Variants in AGPAT4 observed in about 807,000 individuals in gnomAD.
AGPAT4 encodes the protein 1-acyl-sn-glycerol-3-phosphate acyltransferase delta.
AGPAT4 carries 15 observed loss-of-function variants against 48.0 expected under a neutral mutation model. The observed-to-expected ratio is 0.31, with a 90% CI of 0.21 to 0.48. The LOEUF (loss-of-function observed/expected upper bound fraction) is 0.48, where lower values mean the gene tolerates loss of function less well. AGPAT4 is among the 20% of genes least tolerant of loss of function. AGPAT4 has a pLI of 0.99. For synonymous variants in AGPAT4, 178 were observed against 198.7 expected (o/e 0.90, Z 0.88); for missense variants, 314 against 482.5 (o/e 0.65, Z 3.27).
chr6:161,167,955 T>C (rs1175381543), intron 2 of AGPAT4, among the ~76,000 whole-genome samples: 1 of 152,164 alleles, frequency 6.6e-6, no homozygotes, highest in African/African-American at 2.4e-5. Flanking sequence ...CCACTCCCCT[T>C]CCTTCTCCAG....
In AGPAT4 at chr6:161,184,187, G is replaced by A. The variant is rs552228020; in HGVS notation, c.179-17770C>T. Among the ~76,000 whole-genome samples the A allele has an allele frequency of 3.3e-4, 50 of 152,142 alleles. 1 individual carries two copies. Among genetic ancestry groups the A allele is most frequent in the Admixed American group, 3.9e-4 (6 of 15,292 alleles). On this transcript the variant is annotated intron_variant, in intron 2 of 8. Transcript: ENST00000320285. The surrounding 1 kb of genome is among the most constrained non-coding windows in gnomAD (Gnocchi z 4.8). ...GCAGCAGGTTACGGGTGGAAGGCAG[G>A]TGTTGAAGCAGGCTACTGCAGTCAG...
rs894183688 is a variant in AGPAT4, at chr6:161,195,875, G to A, written c.179-29458C>T. On this transcript the variant is annotated intron_variant, in intron 2 of 8. Coordinates refer to ENST00000320285, the MANE Select transcript of AGPAT4 (RefSeq NM_020133.3). This position sits in a 1 kb window ranked among gnomAD's most constrained non-coding sequence, Gnocchi z 5.0. ...CTGATTGTCTAGCGTTGGCATTAGGGCAAGTCTTGAATGTGAATGTTCTCA... is the reference window on the plus strand; with the variant it reads ...CTGATTGTCTAGCGTTGGCATTAGGACAAGTCTTGAATGTGAATGTTCTCA... Among the ~76,000 whole-genome samples, 1 of 152,154 alleles carries A rather than the reference G, an allele frequency of 6.6e-6. No homozygotes were observed. The highest frequency in any genetic ancestry group is 1.5e-5 in the Non-Finnish European group (1 of 68,030).
chr6:161,188,081 A>G (rs190681603), intron 2 of AGPAT4, among the ~76,000 whole-genome samples: 26 of 152,356 alleles, frequency 1.7e-4, no homozygotes, highest in Admixed American at 1.7e-3. Context: ...ATGTACAAAT[A>G]TATAATAAAA....
rs918778414 is a variant in AGPAT4, at chr6:161,217,601, T to C, written c.178+14435A>G. ...TCAGCTCTAGTTGGAGACATAGGTA[T>C]ATATAATCTGTTCCTTTCCATTTAA... On this transcript the variant is annotated intron_variant, in intron 2 of 8. Transcript: ENST00000320285. The surrounding 1 kb of genome is among the most constrained non-coding windows in gnomAD (Gnocchi z 4.9). 5.9e-5 allele frequency among the ~76,000 whole-genome samples: 9 copies of C among 152,374 alleles called. No individual in the cohort carries two copies. Among genetic ancestry groups the C allele is most frequent in the African/African-American group, 2.2e-4 (9 of 41,598 alleles).
rs1166472496 is a variant in AGPAT4, at chr6:161,160,151, G to A, written c.349-5841C>T. The stretch of plus-strand genomic sequence containing the variant: ...TTTTTTTTGTATTTTTAGTACAGAC[G>A]AGGTTTCAACATGTTGGCCAGGTTG... On this transcript the variant is annotated intron_variant, in intron 3 of 8. Coordinates refer to ENST00000320285, the MANE Select transcript of AGPAT4 (RefSeq NM_020133.3). 20 of 124,146 alleles carry A rather than the reference G, an allele frequency of 1.6e-4. No homozygotes were observed. In the Admixed American group the frequency reaches 2.0e-3, roughly 13 times the overall value. The allele number at this position is 124,146 out of a possible 1,614,324, so 7.7% of individuals were successfully genotyped here. A position where few individuals can be genotyped will look rare whatever the true frequency, so the allele number is the denominator to read the frequency against.
chr6:161,130,967 A>G lies in AGPAT4; in HGVS notation c.*5573T>C, dbSNP rs1778883372. 5 of 501,200 alleles carry G rather than the reference A, an allele frequency of 1.0e-5. No individual in the cohort carries two copies. The highest frequency in any genetic ancestry group is 5.8e-5 in the South Asian group (4 of 69,488). 31.0% of individuals were successfully genotyped at this position (501,200 alleles called of 1,614,324 possible). A position where few individuals can be genotyped will look rare whatever the true frequency, so the allele number is the denominator to read the frequency against. On this transcript the variant is annotated 3_prime_UTR_variant, in exon 9 of 9. Coordinates refer to ENST00000320285, the MANE Select transcript of AGPAT4 (RefSeq NM_020133.3). ...CAAAGATCTGGCTAAAACTAGTACT[A>G]TGGAATAGAAAAGGAAAAGTGACAT...
rs1307099349 is a variant in AGPAT4 at position 161,233,254 on chromosome 6, T to C, written c.-89-952A>G. Among the ~76,000 whole-genome samples, 1 of 152,028 alleles carries C rather than the reference T, an allele frequency of 6.6e-6. No individual in the cohort carries two copies. The highest frequency in any genetic ancestry group is 1.5e-5 in the Non-Finnish European group (1 of 68,010). On this transcript the variant is annotated intron_variant, in intron 1 of 8. Transcript: ENST00000320285. The surrounding 1 kb of genome is among the most constrained non-coding windows in gnomAD (Gnocchi z 5.4). ...TCCAGCTCAAAACAGAATAATGAAA[T>C]GACTTTACAGTTTGGGAAATAAAAG... is the stretch of plus-strand genomic sequence containing the variant.
Position 161,219,920 on chromosome 6 carries a change from A to AGGC in AGPAT4, c.178+12113_178+12115dup, listed in dbSNP as rs1361136847. Among the ~76,000 whole-genome samples, 88 of 122,498 alleles carry AGGC rather than the reference A, an allele frequency of 7.2e-4. No individual in the cohort carries two copies. The highest frequency in any genetic ancestry group is 2.5e-3 in the South Asian group (10 of 3,998). 80.4% of individuals were successfully genotyped at this position (122,498 alleles called of 152,430 possible). On this transcript the variant is annotated intron_variant, in intron 2 of 8. Coordinates refer to ENST00000320285, the MANE Select transcript of AGPAT4 (RefSeq NM_020133.3). The surrounding 1 kb of genome is among the most constrained non-coding windows in gnomAD (Gnocchi z 4.9). ...GCAGGCAGGCAGGCAGGCAGGCGGC[A>AGGC]GGCAGGCAGGCAGGCAGGCAGGCAG...
rs1056142963 is a variant in AGPAT4 at position 161,139,056 on chromosome 6, A to G, written c.1042+366T>C. ...TGCCCATCCGTCCCCGCCAGGCTCC[A>G]GCACAGGGCTTTCTTCAGAAGCAGG... On this transcript the variant is annotated intron_variant, in intron 8 of 8. Transcript: ENST00000320285. The surrounding 1 kb of genome is among the most constrained non-coding windows in gnomAD (Gnocchi z 9.1). Among the ~76,000 whole-genome samples the G allele has an allele frequency of 6.6e-6, 1 of 152,242 alleles. No homozygotes were observed. Among genetic ancestry groups the G allele is most frequent in the Non-Finnish European group, 1.5e-5 (1 of 68,034 alleles).
chr6:161,265,818 C>T (rs1330339163), intron 1 of AGPAT4, among the ~76,000 whole-genome samples: 1 of 152,080 alleles, frequency 6.6e-6, no homozygotes, highest in African/African-American at 2.4e-5. Context: ...CAGCATGACC[C>T]CCACGCAGAC....
In AGPAT4 at chr6:161,166,728, G is replaced by A. The variant is rs1390609923; in HGVS notation, c.179-311C>T. On this transcript the variant is annotated intron_variant, in intron 2 of 8. Transcript: ENST00000320285. The surrounding 1 kb of genome is among the most constrained non-coding windows in gnomAD (Gnocchi z 6.7). ...GAATCCGTCAAGAATTCATGCCCTTGTGTTTACAGAGCTCTGAAAGGCAGC... is the reference window on the plus strand; with the variant it reads ...GAATCCGTCAAGAATTCATGCCCTTATGTTTACAGAGCTCTGAAAGGCAGC... 6.6e-6 allele frequency among the ~76,000 whole-genome samples: 1 copy of A among 152,204 alleles called. No individual in the cohort carries two copies. Among genetic ancestry groups the A allele is most frequent in the Non-Finnish European group, 1.5e-5 (1 of 68,040 alleles).
chr6:161,179,521 T>C (rs1324862529), intron 2 of AGPAT4, among the ~76,000 whole-genome samples: 1 of 152,228 alleles, frequency 6.6e-6, no homozygotes, highest in Non-Finnish European at 1.5e-5. Context: ...GCACTGAATA[T>C]GCACCCTGCA....
intron 1 of AGPAT4, among the ~76,000 whole-genome samples, chr6:161,265,036 G>T (rs1344121563): frequency 6.6e-6 from 1 of 152,132 alleles, no homozygotes; most frequent in African/African-American, 2.4e-5. Context: ...TGTGGGGATG[G>T]ATGCTAGGAG....
At chr6:161,179,262 G>T (rs1282942517) in intron 2 of AGPAT4, among the ~76,000 whole-genome samples, 2 of 152,216 alleles carry the variant, frequency 1.3e-5, no homozygotes, top group Non-Finnish European at 2.9e-5. Flanking sequence ...GACGTGTGTG[G>T]CTGGGAGCTG....
rs1033121498 is a variant in AGPAT4, at chr6:161,219,304, T to TTTATATATTTTA, written c.178+12731_178+12732insTAAAATATATAA. On this transcript the variant is annotated intron_variant, in intron 2 of 8. Coordinates refer to ENST00000320285, the MANE Select transcript of AGPAT4 (RefSeq NM_020133.3). This position sits in a 1 kb window ranked among gnomAD's most constrained non-coding sequence, Gnocchi z 4.9. The stretch of plus-strand genomic sequence containing the variant: ...TATACAACTTTTATATATGTAAAAT[T>TTTATATATTTTA]TGTATTTTATATAATTTAAAAAATA... Among the ~76,000 whole-genome samples, 6 of 151,990 alleles carry TTTATATATTTTA rather than the reference T, an allele frequency of 3.9e-5. No individual in the cohort carries two copies. The highest frequency in any genetic ancestry group is 1.4e-4 in the African/African-American group (6 of 41,412).
In AGPAT4 at chr6:161,138,047, G is replaced by A. The variant is rs1411763960; in HGVS notation, c.1042+1375C>T. Reference sequence around the variant, plus strand: ...GTGGGTGTGTGTGTGCCTTGCTGTTGCCTGCTATTGAAGCAGAAGGGTTGA... The same window carrying A: ...GTGGGTGTGTGTGTGCCTTGCTGTTACCTGCTATTGAAGCAGAAGGGTTGA... On this transcript the variant is annotated intron_variant, in intron 8 of 8. Transcript: ENST00000320285. The surrounding 1 kb of genome is among the most constrained non-coding windows in gnomAD (Gnocchi z 4.8). 2.0e-5 allele frequency among the ~76,000 whole-genome samples: 3 copies of A among 152,222 alleles called. No individual in the cohort carries two copies. Among genetic ancestry groups the A allele is most frequent in the Admixed American group, 6.5e-5 (1 of 15,288 alleles).
At chr6:161,152,770 G>A (rs1180038732) in intron 5 of AGPAT4, among the ~76,000 whole-genome samples, 1 of 152,194 alleles carries the variant, frequency 6.6e-6, no homozygotes, top group Non-Finnish European at 1.5e-5. Flanking sequence ...CCCACGGAAA[G>A]GGCCAAGGGA....
intron 2 of AGPAT4, among the ~76,000 whole-genome samples, chr6:161,192,455 G>A (rs1385169745): frequency 1.3e-5 from 2 of 152,106 alleles, no homozygotes; most frequent in Non-Finnish European, 2.9e-5. Flanking sequence ...CTGGCTGGAA[G>A]TCATATATTT....
chr6:161,153,852 T>C (rs542345562), intron 4 of AGPAT4, among the ~76,000 whole-genome samples: 26 of 121,088 alleles, frequency 2.1e-4, no homozygotes, highest in Admixed American at 7.0e-4. Context: ...GGGTCACATA[T>C]GGCCACATGA....
Sources: gnomAD v4.1 joint callset for allele counts (sites outside exome capture counted in the v4.1 genomes callset) on GRCh38, gnomAD v4.1.1 for gene constraint, Gnocchi (gnomAD v3.1) non-coding constraint, MANE v1.5 for transcripts, NCBI Gene and HGNC (gene_info 2026-07-23, HGNC 2026-07-21) for gene names.